Variants in USH2A observed in about 807,000 individuals in gnomAD.
USH2A encodes the protein Usher syndrome 2A (autosomal recessive, mild).
Under a neutral mutation model 538.9 loss-of-function variants are expected in USH2A, and 443 were observed. The observed-to-expected ratio is 0.82, with a 90% CI of 0.76 to 0.89. The LOEUF is 0.89. Among genes scored for constraint, USH2A ranks in the 40% least tolerant of loss-of-function variants. The pLI, the probability that USH2A is intolerant of heterozygous loss-of-function variation, is 0.00. For missense variants in USH2A, 6,633 were observed against 6,324.8 expected (o/e 1.05, Z -1.65); for synonymous variants, 2,413 against 2,273.5 (o/e 1.06, Z -1.75).
In USH2A at chr1:216,085,164, A is replaced by T. The variant is rs113105601; in HGVS notation, c.4988-287T>A. On this transcript the variant is annotated intron_variant, in intron 24 of 71. Transcript: ENST00000307340. ...TATTGCCTTTTCAACTAACACAGAA[A>T]ATTCATCTGCCACTAGCCTCAAAAA... is the stretch of plus-strand genomic sequence containing the variant. The T allele has an allele frequency of 9.0e-3, 3,193 of 353,632 alleles. 96 individuals are homozygous for T. Among genetic ancestry groups the T allele is most frequent in the African/African-American group, 0.061 (2,933 of 48,316 alleles). 21.9% of individuals were successfully genotyped at this position (353,632 alleles called of 1,614,324 possible). A position where few individuals can be genotyped will look rare whatever the true frequency, so the allele number is the denominator to read the frequency against.
Position 215,680,348 on chromosome 1 carries a change from C to A in USH2A, c.12095G>T (p.Gly4032Val), listed in dbSNP as rs878853409. The A allele has an allele frequency of 5.6e-6, 9 of 1,613,920 alleles. No individual in the cohort carries two copies. The highest frequency in any genetic ancestry group is 7.6e-6 in the Non-Finnish European group (9 of 1,179,958). ...GCGATATGTTGTGAATGGTTCTAAC[C>A]CGTACAGGTGGGCTTGATGGCTTGT... ...KGTSHQAHLY[G>V]LEPFTTYRIG... The change falls in exon 62 of 72, where the codon GGG (glycine) becomes GTG (valine). Residue 4032 changes from glycine (G) to valine (V), a missense_variant. Gly to Val is a moderately radical substitution (Grantham distance 109). Coordinates refer to ENST00000307340, the MANE Select transcript of USH2A (RefSeq NM_206933.4).
rs193152347 is a variant in USH2A at position 216,222,100 on chromosome 1, A to G, written c.2994-4550T>C. ...GAAATGTATAGGGTAGAGTTTAACCAAAATTACTTTTAAGGTTCTTTCCCA... is the reference window on the plus strand; with the variant it reads ...GAAATGTATAGGGTAGAGTTTAACCGAAATTACTTTTAAGGTTCTTTCCCA... On this transcript the variant is annotated intron_variant, in intron 14 of 71. Coordinates refer to ENST00000307340, the MANE Select transcript of USH2A (RefSeq NM_206933.4). Among the ~76,000 whole-genome samples the G allele has an allele frequency of 6.4e-3, 973 of 152,306 alleles. 9 individuals carry two copies. Among genetic ancestry groups the G allele is most frequent in the Non-Finnish European group, 0.011 (754 of 68,040 alleles).
In USH2A at chr1:215,675,226, C is replaced by T. The variant is rs755755135; in HGVS notation, c.12685G>A (p.Gly4229Ser). 59 of 1,614,016 alleles carry T rather than the reference C, an allele frequency of 3.7e-5. No individual in the cohort carries two copies. The highest frequency in any genetic ancestry group is 1.6e-4 in the Middle Eastern group (1 of 6,084). ...TCACACTGCGTCCATGGTTGCAAAC[C>T]TGTGTCATTATACATAAATGTATTC... Reference protein sequence around the residue: ...ERNTFMYNDTGLQPWTQCEYK... With the variant: ...ERNTFMYNDTSLQPWTQCEYK... Residue 4229 changes from glycine (G) to serine (S), a missense_variant, in exon 63 of 72, where the codon GGT becomes AGT. Transcript: ENST00000307340.
chr1:215,841,965 T>C (rs1327372668), intron 46 of USH2A, among the ~76,000 whole-genome samples: 1 of 151,950 alleles, frequency 6.6e-6, no homozygotes, highest in Non-Finnish European at 1.5e-5. Flanking sequence ...TAAAAAGAGG[T>C]AAAACTGAAT....
chr1:216,294,357 T>A (rs189858241), intron 9 of USH2A, among the ~76,000 whole-genome samples: 9 of 151,990 alleles, frequency 5.9e-5, no homozygotes, highest in Non-Finnish European at 1.2e-4. Context: ...TATATGCATA[T>A]ATTTCTTCTT....
At chr1:215,686,982 A>G (rs1658441893) in intron 61 of USH2A, among the ~76,000 whole-genome samples, 1 of 152,066 alleles carries the variant, frequency 6.6e-6, no homozygotes, top group South Asian at 2.1e-4. Context: ...CTGACCCACT[A>G]TCAGAACCAT....
chr1:216,150,733 C>G (rs536235393), intron 21 of USH2A, among the ~76,000 whole-genome samples: 1 of 152,200 alleles, frequency 6.6e-6, no homozygotes, highest in East Asian at 1.9e-4. Context: ...TAACTCTACT[C>G]CCCCCATATT....
chr1:215,891,322 C>T (rs553731704), intron 40 of USH2A, among the ~76,000 whole-genome samples: 1 of 152,284 alleles, frequency 6.6e-6, no homozygotes, highest in African/African-American at 2.4e-5. Flanking sequence ...CAGAAGGGTC[C>T]TTTAACTTGT....
chr1:216,305,194 C>A (rs1295963967), intron 9 of USH2A, among the ~76,000 whole-genome samples: 1 of 152,020 alleles, frequency 6.6e-6, no homozygotes, highest in Non-Finnish European at 1.5e-5. Flanking sequence ...AATCTGGGAG[C>A]TCTGGAGTTA....
chr1:216,074,678 A>G (rs2031688860), intron 27 of USH2A, among the ~76,000 whole-genome samples: 1 of 152,194 alleles, frequency 6.6e-6, no homozygotes. Context: ...GAAAGCAATG[A>G]AGCTCAATAT....
intron 4 of USH2A, among the ~76,000 whole-genome samples, chr1:216,337,530 T>C (rs753150153): frequency 5.9e-5 from 9 of 151,390 alleles, no homozygotes; most frequent in South Asian, 4.1e-4. Flanking sequence ...CAATTAGGAA[T>C]AGGTGGGAAA....
intron 36 of USH2A, among the ~76,000 whole-genome samples, chr1:215,970,269 T>A (rs1667458563): frequency 6.6e-6 from 1 of 152,152 alleles, no homozygotes; most frequent in South Asian, 2.1e-4. Context: ...TTATTTTTAC[T>A]TCTTAATCTT....
chr1:215,662,919 A>G (rs1657489421), intron 64 of USH2A, among the ~76,000 whole-genome samples: 1 of 152,210 alleles, frequency 6.6e-6, no homozygotes, highest in Admixed American at 6.5e-5. Flanking sequence ...TGATATAGAA[A>G]AGAGATGGGG....
At chr1:215,775,611 G>A (rs951333845) in intron 55 of USH2A, among the ~76,000 whole-genome samples, 10 of 152,132 alleles carry the variant, frequency 6.6e-5, no homozygotes, top group African/African-American at 1.7e-4. Context: ...TAATTACTAC[G>A]AGAGCAAAGA....
At chr1:215,825,046 A>C (rs556056769) in intron 47 of USH2A, among the ~76,000 whole-genome samples, 1 of 152,146 alleles carries the variant, frequency 6.6e-6, no homozygotes, top group African/African-American at 2.4e-5. Context: ...CTATGTCATC[A>C]TTTTGGAACT....
At chr1:215,659,211 T>A (rs1286852248) in intron 64 of USH2A, among the ~76,000 whole-genome samples, 4 of 152,184 alleles carry the variant, frequency 2.6e-5, no homozygotes, top group Admixed American at 2.0e-4. Flanking sequence ...CAGGAGGTTC[T>A]CTCAACAGAT....
chr1:215,691,393 C>G (rs962858931), intron 61 of USH2A, among the ~76,000 whole-genome samples: 3 of 152,154 alleles, frequency 2.0e-5, no homozygotes, highest in Non-Finnish European at 2.9e-5. Flanking sequence ...ACTGCAGCCA[C>G]ACTAGTCTTG....
chr1:216,159,537 TACACACACACACAC>T (rs60343349), intron 21 of USH2A, among the ~76,000 whole-genome samples: 9 of 146,930 alleles, frequency 6.1e-5, no homozygotes, highest in East Asian at 4.0e-4. Context: ...TTTATTTATG[TACACACACACACAC>T]ACACACACAC....
intron 4 of USH2A, among the ~76,000 whole-genome samples, chr1:216,332,229 A>G (rs1196776862): frequency 6.6e-6 from 1 of 152,092 alleles, no homozygotes; most frequent in African/African-American, 2.4e-5. Context: ...CCCACTAGTA[A>G]GGCTTGAATT....
Sources: gnomAD v4.1 joint callset for allele counts (sites outside exome capture counted in the v4.1 genomes callset) on GRCh38, gnomAD v4.1.1 for gene constraint, MANE v1.5 for transcripts, NCBI Gene and HGNC (gene_info 2026-07-23, HGNC 2026-07-21) for gene names.